Variants in MTR observed in about 807,000 individuals in gnomAD.
The protein encoded by MTR is methionine synthase.
A neutral mutation model predicts 154.8 loss-of-function variants in MTR; 84 were observed. That is an observed-to-expected ratio of 0.54 (90% CI 0.45 to 0.65). The LOEUF is 0.65. Among genes scored for constraint, MTR ranks in the 30% least tolerant of loss-of-function variants. MTR has a pLI of 0.00. For missense variants in MTR, 1,275 were observed against 1,570.2 expected, an observed-to-expected ratio of 0.81 and a Z score of 3.18; for synonymous variants, 554 against 553.9, an observed-to-expected ratio of 1.00 and a Z score of 0.00.
At chr1:236,874,962 T>C in intron 24 of MTR, 116 bp downstream of exon 24, 1 of 1,172,928 alleles carries the variant, frequency 8.5e-7, no homozygotes, top group Non-Finnish European at 1.2e-6. Context: ...ACATTGACTT[T>C]TTGTTATATA....
At chr1:236,827,645 T>G (rs1284733282) in intron 11 of MTR, among the ~76,000 whole-genome samples, 1 of 152,166 alleles carries the variant, frequency 6.6e-6, no homozygotes, top group Non-Finnish European at 1.5e-5. Flanking sequence ...TATCTTGAGG[T>G]CAGGAGAAGT....
In MTR at chr1:236,816,515, A is replaced by G. The variant is rs374537482; in HGVS notation, c.736A>G (p.Ile246Val). The change falls in exon 8 of 33, where the codon ATC (isoleucine) becomes GTC (valine). Residue 246 changes from isoleucine (I) to valine (V), a missense_variant. Physicochemically the swap from Ile to Val is conservative, Grantham distance 29. Transcript: ENST00000366577. ...CGGACAGACAGGAGAGGGATTTGTC[A>G]TCAGCGTGTCTCATGGAGAACCACT... The part of the protein sequence containing the change: ...LSGQTGEGFV[I>V]SVSHGEPLCI... 1 of 1,614,166 alleles carries G rather than the reference A, an allele frequency of 6.2e-7. No individual in the cohort carries two copies. Among genetic ancestry groups the G allele is most frequent in the South Asian group, 1.1e-5 (1 of 91,092 alleles).
intron 22 of MTR, among the ~76,000 whole-genome samples, chr1:236,868,261 A>G (rs1201585440): frequency 6.6e-6 from 1 of 152,230 alleles, no homozygotes; most frequent in African/African-American, 2.4e-5. Context: ...CTGAAGACCC[A>G]GATGATCATT....
At chr1:236,856,608 TG>T (rs1420430430) in intron 18 of MTR, among the ~76,000 whole-genome samples, 1 of 152,050 alleles carries the variant, frequency 6.6e-6, no homozygotes, top group Non-Finnish European at 1.5e-5. Flanking sequence ...GGTATACACA[TG>T]CTATGGTGGT....
intron 6 of MTR, among the ~76,000 whole-genome samples, chr1:236,814,870 A>G (rs764011727): frequency 6.6e-6 from 1 of 152,206 alleles, no homozygotes; most frequent in African/African-American, 2.4e-5. Flanking sequence ...TTATTGATTT[A>G]GTAACTTTCC....
intron 12 of MTR, among the ~76,000 whole-genome samples, chr1:236,831,443 A>T (rs1427310911): frequency 6.6e-6 from 1 of 152,200 alleles, no homozygotes; most frequent in Non-Finnish European, 1.5e-5. Context: ...CTCAGGTCTC[A>T]ACCTGGATCC....
chr1:236,811,942 A>G (rs1250011720), intron 5 of MTR, among the ~76,000 whole-genome samples: 2 of 152,204 alleles, frequency 1.3e-5, no homozygotes, highest in Non-Finnish European at 2.9e-5. Flanking sequence ...ATATCTGAGC[A>G]TTATCTTGGC....
rs1664090371 is a variant in MTR, at chr1:236,854,494, G to A, written c.1953+1406G>A. Among the ~76,000 whole-genome samples, 3 of 152,132 alleles carry A rather than the reference G, an allele frequency of 2.0e-5. No homozygotes were observed. In the South Asian group the frequency reaches 6.2e-4, roughly 32 times the overall value. On this transcript the variant is annotated intron_variant, in intron 18 of 32. Coordinates refer to ENST00000366577, the MANE Select transcript of MTR (RefSeq NM_000254.3). The stretch of plus-strand genomic sequence containing the variant: ...GTCTTCTTTGAACATTGAGACATGG[G>A]CGTTAAACACTATTCAGTTTTGAGT...
intron 32 of MTR, among the ~76,000 whole-genome samples, 182 bp downstream of exon 32, chr1:236,897,300 C>CCACACACATGCA (rs767963245): frequency 9.8e-5 from 3 of 30,714 alleles, no homozygotes; most frequent in Non-Finnish European, 2.5e-4. Context: ...TACATGCAAG[C>CCACACACATGCA]CACACACACG....
At chr1:236,819,877 A>G in intron 8 of MTR, 4 of 816,854 alleles carry the variant, frequency 4.9e-6, no homozygotes, top group Non-Finnish European at 8.6e-6. Flanking sequence ...TCCTCCAGGA[A>G]TACTGGCCAG....
At chr1:236,895,902 G>A (rs1342476674) in intron 31 of MTR, among the ~76,000 whole-genome samples, 1 of 152,204 alleles carries the variant, frequency 6.6e-6, no homozygotes, top group Admixed American at 6.5e-5. Context: ...TTGTCCCTCA[G>A]TAATGTCACT....
rs1451728975 is a variant in MTR, at chr1:236,863,574, C to T, written c.2405+20C>T. The T allele has an allele frequency of 3.8e-6, 6 of 1,587,112 alleles. No individual in the cohort carries two copies. The African/African-American group carries it at 5.4e-5, about 14-fold the overall frequency. On this transcript the variant is annotated intron_variant, in intron 22 of 32. Transcript: ENST00000366577. ...TTTCCGGTAAGTTAGGACCTCACCTCTTTCAACCCCTTTTCCATTTAAAAA... is the reference window on the plus strand; with the variant it reads ...TTTCCGGTAAGTTAGGACCTCACCTTTTTCAACCCCTTTTCCATTTAAAAA...
chr1:236,827,928 T>G (rs1231348197), intron 11 of MTR, among the ~76,000 whole-genome samples: 1 of 152,198 alleles, frequency 6.6e-6, no homozygotes, highest in Non-Finnish European at 1.5e-5. Context: ...CTGAGTTACC[T>G]TGTAGTTCAC....
In MTR at chr1:236,803,644, T is replaced by C; in HGVS notation, c.249+2T>C. 1.2e-6 allele frequency: 2 copies of C among 1,612,912 alleles called. No individual in the cohort carries two copies. The highest frequency in any genetic ancestry group is 1.7e-6 in the Non-Finnish European group (2 of 1,179,090). On this transcript the variant is annotated splice_donor_variant, in intron 2 of 32. Transcript: ENST00000366577. LOFTEE classifies it high-confidence loss of function. ...GATGTCATTTACCAAATCCATAAGGTAAAGTATTCCCAGGTTCCCATGTGT... is the reference window on the plus strand; with the variant it reads ...GATGTCATTTACCAAATCCATAAGGCAAAGTATTCCCAGGTTCCCATGTGT...
At chr1:236,857,959 C>A (rs913610342) in intron 18 of MTR, among the ~76,000 whole-genome samples, 2 of 152,182 alleles carry the variant, frequency 1.3e-5, no homozygotes, top group Non-Finnish European at 2.9e-5. Flanking sequence ...TAGCCAGAGT[C>A]TGGCATGGTC....
intron 11 of MTR, among the ~76,000 whole-genome samples, chr1:236,827,976 A>AAT (rs201057101): frequency 1.5e-4 from 22 of 151,502 alleles, no homozygotes; most frequent in African/African-American, 4.6e-4. Flanking sequence ...CTTAGTAAAT[A>AAT]ATATATATAT....
intron 1 of MTR, among the ~76,000 whole-genome samples, chr1:236,802,815 C>A (rs181080349): frequency 6.6e-6 from 1 of 152,008 alleles, no homozygotes; most frequent in African/African-American, 2.4e-5. Context: ...TCCAGTAGGT[C>A]GTAGAAACCA....
chr1:236,843,241 C>T (rs1420434423), intron 15 of MTR, among the ~76,000 whole-genome samples: 10 of 152,126 alleles, frequency 6.6e-5, no homozygotes, highest in Non-Finnish European at 1.5e-5. Context: ...GATGATGTGA[C>T]ATTTTAGCAG....
rs919740108 is a variant in MTR at position 236,897,733 on chromosome 1, C to G, written c.*89C>G. ...CTTAAAAATAACAACAACAAAAAAC[C>G]TGTGTGCATCTGGCTGACACTTACC... On this transcript the variant is annotated 3_prime_UTR_variant, in exon 33 of 33. Transcript: ENST00000366577. The G allele has an allele frequency of 1.8e-6, 2 of 1,131,736 alleles. No homozygotes were observed. The highest frequency in any genetic ancestry group is 3.6e-5 in the Admixed American group (2 of 56,330). The allele number at this position is 1,131,736 out of a possible 1,614,324, so 70.1% of individuals were successfully genotyped here.
Sources: gnomAD v4.1 joint callset for allele counts (sites outside exome capture counted in the v4.1 genomes callset) on GRCh38, gnomAD v4.1.1 for gene constraint, MANE v1.5 for transcripts, NCBI Gene and HGNC (gene_info 2026-07-23, HGNC 2026-07-21) for gene names.